The following PRH1 variants were observed in gnomAD, a reference collection of about 807,000 sequenced individuals.
PRH1 encodes proline rich protein HaeIII subfamily 1.
A neutral mutation model predicts 7.9 loss-of-function variants in PRH1; 7 were observed. That is an observed-to-expected ratio of 0.89 (90% confidence interval 0.50 to 1.67). The LOEUF (loss-of-function observed/expected upper bound fraction) is 1.67. Ranked by LOEUF, PRH1 falls within the 40% of genes most tolerant of loss-of-function variation. The pLI is 0.00. For missense variants in PRH1, 109 were observed against 223.6 expected, an observed-to-expected ratio of 0.49 and a Z score of 3.27; for synonymous variants, 45 against 80.8, an observed-to-expected ratio of 0.56 and a Z score of 2.38.
intron 1 of PRH1, among the ~76,000 whole-genome samples, chr12:11,013,121 G>C (rs1049079875): frequency 6.6e-6 from 1 of 152,038 alleles, no homozygotes; most frequent in Non-Finnish European, 1.5e-5. Context: ...AAATATATCT[G>C]AAAATACCCA....
intron 1 of PRH1, among the ~76,000 whole-genome samples, chr12:11,024,107 C>T (rs1282051230): frequency 6.6e-6 from 1 of 152,224 alleles, no homozygotes. Flanking sequence ...CAACTAAAAT[C>T]AGAAAGTTTC....
upstream of PRH1, among the ~76,000 whole-genome samples, chr12:11,048,148 G>A (rs1269082580): frequency 5.9e-5 from 8 of 134,908 alleles, no homozygotes; most frequent in Admixed American, 2.2e-4. Flanking sequence ...ACACATATAT[G>A]TGTGTGTGTG....
At chr12:11,171,200 G>A in intron 1 of PRH1, 2 of 419,862 alleles carry the variant, frequency 4.8e-6, no homozygotes, top group East Asian at 3.6e-5. Flanking sequence ...CCGGGGCTAC[G>A]CGCCGCACTG....
chr12:10,922,765 G>T (rs1178274770), intron 2 of PRH1, among the ~76,000 whole-genome samples: 1 of 150,030 alleles, frequency 6.7e-6, no homozygotes, highest in Non-Finnish European at 1.5e-5. Flanking sequence ...ATCTATTTAC[G>T]TAATGCATTG....
chr12:11,019,932 T>C (rs1941512225), intron 1 of PRH1, among the ~76,000 whole-genome samples: 2 of 152,410 alleles, frequency 1.3e-5, no homozygotes, highest in South Asian at 4.1e-4. Context: ...TGTGCAAATA[T>C]ACCAAAATCT....
intron 1 of PRH1, among the ~76,000 whole-genome samples, chr12:11,057,190 G>T (rs1344654729): frequency 6.6e-6 from 1 of 152,052 alleles, no homozygotes; most frequent in Admixed American, 6.5e-5. Flanking sequence ...ATTTTTTGTA[G>T]ACATGGAGTT....
At chr12:11,021,898 A>G in intron 1 of PRH1, 7 of 1,614,246 alleles carry the variant, frequency 4.3e-6, no homozygotes, top group Non-Finnish European at 5.9e-6. Context: ...CAAAGCTTTT[A>G]TATGGACCTT....
intron 2 of PRH1, among the ~76,000 whole-genome samples, chr12:10,959,273 T>C (rs115302268): frequency 0.015 from 2,311 of 152,276 alleles, 21 homozygotes; most frequent in South Asian, 0.031. Context: ...GTATTTTGAT[T>C]TGGACATGTT....
At chr12:11,022,708 AAC>A (rs1941723434) in intron 1 of PRH1, 2 of 655,138 alleles carry the variant, frequency 3.1e-6, no homozygotes, top group South Asian at 4.0e-5. Context: ...GACTAGTGTC[AAC>A]AGGCAAGCAC....
intron 1 of PRH1, among the ~76,000 whole-genome samples, chr12:11,014,959 T>A (rs191456485): frequency 6.6e-6 from 1 of 151,982 alleles, no homozygotes; most frequent in Non-Finnish European, 1.5e-5. Flanking sequence ...AAAATGATAA[T>A]TGCTCACAGG....
chr12:11,001,301 C>T (rs966264420), intron 1 of PRH1, among the ~76,000 whole-genome samples: 3 of 152,232 alleles, frequency 2.0e-5, no homozygotes, highest in Middle Eastern at 3.4e-3. Flanking sequence ...CTACACCATT[C>T]TATTTTACAA....
intron 1 of PRH1, among the ~76,000 whole-genome samples, chr12:11,057,138 T>C (rs371085012): frequency 6.6e-6 from 1 of 152,086 alleles, no homozygotes; most frequent in East Asian, 1.9e-4. Context: ...TCCCAAGTAT[T>C]TGGAACTATA....
At chr12:10,986,014 T>C (rs956373776) in intron 1 of PRH1, 11 of 1,613,804 alleles carry the variant, frequency 6.8e-6, no homozygotes, top group African/African-American at 1.3e-5. Context: ...AGCTTCTTGG[T>C]TCTCCAAATT....
chr12:11,058,227 C>A lies in PRH1; in HGVS notation n.124-11039G>T, dbSNP rs187143061. Reference sequence around the variant, plus strand: ...CTCCAGCCTCATGGACAGAATGAGACCCTGTCTCAAATAATAATTATATAT... The same window carrying A: ...CTCCAGCCTCATGGACAGAATGAGAACCTGTCTCAAATAATAATTATATAT... On this transcript the variant is annotated intron_variant and non_coding_transcript_variant, in intron 1 of 4. Transcript: ENST00000541977. 3.3e-5 allele frequency among the ~76,000 whole-genome samples: 5 copies of A among 152,156 alleles called. No individual in the cohort carries two copies. The East Asian group carries it at 9.7e-4, about 29-fold the overall frequency.
chr12:11,003,782 AATT>A (rs1401458809), intron 1 of PRH1, among the ~76,000 whole-genome samples: 11 of 151,920 alleles, frequency 7.2e-5, no homozygotes, highest in Non-Finnish European at 1.6e-4. Context: ...TGATGTTAAT[AATT>A]ACTATTATAT....
chr12:11,171,425 G>A, exon 1 of PRH1: 1 of 1,232,036 alleles, frequency 8.1e-7, no homozygotes. Flanking sequence ...CACCCACCTC[G>A]TACGGCGTCT....
intron 1 of PRH1, among the ~76,000 whole-genome samples, chr12:11,135,312 A>G (rs2597921): frequency 0.46 from 69,103 of 151,866 alleles, 16,524 homozygotes; most frequent in Non-Finnish European, 0.53. Flanking sequence ...AATTTGAGAT[A>G]GCTTCCATAC....
chr12:10,980,561 CATAA>C (rs1939304423), intron 1 of PRH1, among the ~76,000 whole-genome samples: 1 of 151,814 alleles, frequency 6.6e-6, no homozygotes, highest in Non-Finnish European at 1.5e-5. Flanking sequence ...AATAGATGTA[CATAA>C]ATAAATAATA....
At chr12:10,930,332 T>C in intron 2 of PRH1, 3 of 1,602,880 alleles carry the variant, frequency 1.9e-6, no homozygotes, top group Non-Finnish European at 1.7e-6. Flanking sequence ...CTCAGTAAAC[T>C]CTGTCTCCAT....
Sources: allele counts gnomAD v4.1 joint callset (sites outside exome capture counted in the v4.1 genomes callset), GRCh38; gene constraint gnomAD v4.1.1; transcripts MANE v1.5; gene names NCBI Gene and HGNC (gene_info 2026-07-23, HGNC 2026-07-21).